FBN1: variants seen among roughly 807,000 people sequenced by gnomAD.
FBN1 encodes fibrillin 1.
A neutral mutation model predicts 365.1 loss-of-function variants in FBN1; 29 were observed. That is an observed-to-expected ratio of 0.08 (90% confidence interval 0.06 to 0.11). FBN1 has a LOEUF of 0.11. Ranked by LOEUF, FBN1 falls within the 10% of genes least tolerant of loss-of-function variation. The probability of loss-of-function intolerance (pLI) is 1.00; values close to 1 mark genes in which losing one functional copy is unlikely to be tolerated. For missense variants in FBN1, 2,476 were observed against 3,703.2 expected (o/e 0.67, Z 8.60); for synonymous variants, 1,210 against 1,270.5 (o/e 0.95, Z 1.01).
chr15:48,611,995 T>C (rs1566937949), intron 3 of FBN1, among the ~76,000 whole-genome samples: 1 of 152,236 alleles, frequency 6.6e-6, no homozygotes, highest in Admixed American at 6.5e-5. Context: ...AGTAAACATT[T>C]ATTTAAATAT....
At chr15:48,573,005 G>A (rs2044317745) in intron 6 of FBN1, among the ~76,000 whole-genome samples, 1 of 152,238 alleles carries the variant, frequency 6.6e-6, no homozygotes, top group South Asian at 2.1e-4. Context: ...GAGGATGTGG[G>A]CATGGTTCTG....
intron 32 of FBN1, among the ~76,000 whole-genome samples, chr15:48,477,327 C>T (rs1156830397): frequency 2.0e-5 from 3 of 152,140 alleles, no homozygotes; most frequent in African/African-American, 7.2e-5. Context: ...ACTATATTTA[C>T]AACAGGCTGT....
chr15:48,554,733 G>C (rs2044166772), intron 6 of FBN1, among the ~76,000 whole-genome samples: 1 of 152,010 alleles, frequency 6.6e-6, no homozygotes, highest in Non-Finnish European at 1.5e-5. Flanking sequence ...AAATAGAAAA[G>C]GTAAGCTACA....
chr15:48,424,980 A>T (rs1413605586), intron 60 of FBN1, among the ~76,000 whole-genome samples: 1 of 152,208 alleles, frequency 6.6e-6, no homozygotes, highest in East Asian at 1.9e-4. Context: ...GGCACTGATT[A>T]TTCCGAGGCA....
intron 65 of FBN1, 42 bp from the exon 66 acceptor site, chr15:48,411,421 T>C: frequency 6.3e-7 from 1 of 1,586,624 alleles, no homozygotes; most frequent in South Asian, 1.1e-5. Context: ...AATGTACATA[T>C]GCCACTTAGC....
chr15:48,637,043 T>C (rs1245168955), intron 2 of FBN1, among the ~76,000 whole-genome samples: 4 of 152,200 alleles, frequency 2.6e-5, no homozygotes, highest in South Asian at 2.1e-4. Context: ...TTTGAATATA[T>C]ATGGAGGTGG....
chr15:48,421,717 T>A, intron 61 of FBN1, 31 bp from the exon 62 acceptor site: 1 of 1,609,430 alleles, frequency 6.2e-7, no homozygotes, highest in Non-Finnish European at 8.5e-7. Flanking sequence ...AAAGAGGGGT[T>A]AAAATTCCCC....
intron 44 of FBN1, among the ~76,000 whole-genome samples, 200 bp from the exon 45 acceptor site, chr15:48,452,884 A>T (rs1206621359): frequency 6.6e-6 from 1 of 152,248 alleles, no homozygotes; most frequent in Non-Finnish European, 1.5e-5. Context: ...TAACAAATAA[A>T]CTGTGGTACA....
At chr15:48,559,773 G>C (rs1837822681) in intron 6 of FBN1, among the ~76,000 whole-genome samples, 1 of 152,136 alleles carries the variant, frequency 6.6e-6, no homozygotes, top group Non-Finnish European at 1.5e-5. Context: ...ATAGAGGAAA[G>C]TTTTCATATC....
At chr15:48,526,063 T>C (rs2043909590) in intron 9 of FBN1, 67 bp downstream of exon 9, 1 of 1,598,938 alleles carries the variant, frequency 6.3e-7, no homozygotes, top group Non-Finnish European at 8.6e-7. Context: ...AACAAGCTTG[T>C]TTAGAAAGTT....
chr15:48,479,911 A>G (rs1443934330), intron 32 of FBN1, among the ~76,000 whole-genome samples: 1 of 152,218 alleles, frequency 6.6e-6, no homozygotes, highest in East Asian at 1.9e-4. Context: ...GACAATAGAT[A>G]TAGACTAGAA....
intron 2 of FBN1, among the ~76,000 whole-genome samples, chr15:48,639,472 C>T (rs760571261): frequency 1.8e-4 from 27 of 152,202 alleles, no homozygotes; most frequent in Non-Finnish European, 3.2e-4. Context: ...CTTCTGTGCA[C>T]TCACGGTTCC....
intron 6 of FBN1, among the ~76,000 whole-genome samples, chr15:48,581,954 A>G (rs2044395608): frequency 6.6e-6 from 1 of 152,180 alleles, no homozygotes; most frequent in Admixed American, 6.6e-5. Flanking sequence ...ATAAAATATG[A>G]AGGGTTGCCC....
Position 48,523,717 on chromosome 15 carries a change from G to A in FBN1, c.988+2413C>T, listed in dbSNP as rs539133622. Among the ~76,000 whole-genome samples, 5 of 151,356 alleles carry A rather than the reference G, an allele frequency of 3.3e-5. No individual in the cohort carries two copies. The East Asian group carries it at 5.8e-4, about 18-fold the overall frequency. On this transcript the variant is annotated intron_variant, in intron 9 of 65. Transcript: ENST00000316623. The stretch of plus-strand genomic sequence containing the variant: ...TGCCACACCAAGGGTGGCTGGGGGG[G>A]GGGGGGAACCGTTGTGGTGGTATGT...
chr15:48,630,328 T>G (rs1187922329), intron 2 of FBN1, among the ~76,000 whole-genome samples: 1 of 152,192 alleles, frequency 6.6e-6, no homozygotes, highest in Non-Finnish European at 1.5e-5. Context: ...ATGGGAAATA[T>G]GAAATGGAGG....
intron 63 of FBN1, 139 bp downstream of exon 63, chr15:48,420,547 CG>C (rs1441827262): frequency 1.9e-6 from 2 of 1,047,796 alleles, no homozygotes; most frequent in African/African-American, 3.1e-5. Context: ...TTACTTACCT[CG>C]GGTTTCAACC....
chr15:48,446,012 GGTTCATA>G (rs2043155614), intron 47 of FBN1, among the ~76,000 whole-genome samples: 1 of 151,986 alleles, frequency 6.6e-6, no homozygotes, highest in African/African-American at 2.4e-5. Context: ...TAGACCAGAA[GGTTCATA>G]GTCCTGAATC....
chr15:48,644,458 G>A, intron 2 of FBN1, 148 bp downstream of exon 2: 1 of 1,034,828 alleles, frequency 9.7e-7, no homozygotes, highest in Non-Finnish European at 1.5e-6. Context: ...AACCACGAAC[G>A]GGGTGGGGAC....
Position 48,421,941 on chromosome 15 carries a change from C to T in FBN1, c.7570+11G>A, listed in dbSNP as rs774781243. 2 of 1,580,676 alleles carry T rather than the reference C, an allele frequency of 1.3e-6. No individual in the cohort carries two copies. The highest frequency in any genetic ancestry group is 1.1e-5 in the South Asian group (1 of 90,470). On this transcript the variant is annotated intron_variant, in intron 61 of 65. Transcript: ENST00000316623. Reference sequence around the variant, plus strand: ...TACAATCCATGTAGGATTTTTTCCTCTCCTACTCACCAATGCAGGACGTAT... The same window carrying T: ...TACAATCCATGTAGGATTTTTTCCTTTCCTACTCACCAATGCAGGACGTAT...
Sources: allele counts gnomAD v4.1 joint callset (sites outside exome capture counted in the v4.1 genomes callset), GRCh38; gene constraint gnomAD v4.1.1; transcripts MANE v1.5; gene names NCBI Gene and HGNC (gene_info 2026-07-23, HGNC 2026-07-21).